The following CLIC5 variants were observed in gnomAD, a reference collection of about 807,000 sequenced individuals.
CLIC5 encodes the protein CLIC family member 5.
In CLIC5, 20 loss-of-function variants were observed where a neutral mutation model predicts 24.7. The observed-to-expected ratio is 0.81, with a 90% confidence interval of 0.57 to 1.18. CLIC5 has a LOEUF of 1.18. Among genes scored for constraint, CLIC5 ranks in the 50% most tolerant of loss-of-function variants. The pLI, the probability that CLIC5 is intolerant of heterozygous loss-of-function variation, is 0.00. For synonymous variants in CLIC5, 159 were observed against 135.6 expected, an observed-to-expected ratio of 1.17 and a Z score of -1.20; for missense variants, 341 against 326.1, an observed-to-expected ratio of 1.05 and a Z score of -0.35.
chr6:46,033,079 C>A (rs34535336), intron 1 of CLIC5, among the ~76,000 whole-genome samples: 1,919 of 150,786 alleles, frequency 0.013, 29 homozygotes, highest in Middle Eastern at 0.052. Flanking sequence ...AACTCCGCCT[C>A]CCGGGTTCAA....
downstream of CLIC5, among the ~76,000 whole-genome samples, chr6:45,896,860 A>G (rs1160415966): frequency 6.6e-6 from 1 of 152,128 alleles, no homozygotes; most frequent in African/African-American, 2.4e-5. Flanking sequence ...CACACAGTGG[A>G]AGCCTGGGAC....
intron 5 of CLIC5, among the ~76,000 whole-genome samples, chr6:45,905,950 C>T (rs1241156015): frequency 6.6e-6 from 1 of 152,140 alleles, no homozygotes; most frequent in Non-Finnish European, 1.5e-5. Flanking sequence ...TATTCCAAAA[C>T]CATTTATTGA....
chr6:45,972,675 GC>G (rs1221201279), intron 1 of CLIC5, among the ~76,000 whole-genome samples: 11 of 152,154 alleles, frequency 7.2e-5, no homozygotes. Flanking sequence ...ATCAGAACCT[GC>G]ATTTTCAGTA....
intron 6 of CLIC5, among the ~76,000 whole-genome samples, chr6:45,892,665 G>T (rs1174204903): frequency 6.6e-6 from 1 of 152,150 alleles, no homozygotes; most frequent in Non-Finnish European, 1.5e-5. Flanking sequence ...GTCAATTGTT[G>T]CCTTCAGTGC....
chr6:46,032,146 A>G (rs1029320228), intron 1 of CLIC5, among the ~76,000 whole-genome samples: 6 of 152,188 alleles, frequency 3.9e-5, no homozygotes, highest in Non-Finnish European at 8.8e-5. Flanking sequence ...AGAAGGCCTC[A>G]GGAAACTTAC....
chr6:45,904,863 T>C (rs1762613923), intron 5 of CLIC5, among the ~76,000 whole-genome samples: 1 of 151,522 alleles, frequency 6.6e-6, no homozygotes, highest in Non-Finnish European at 1.5e-5. Context: ...ATAGTTTTTC[T>C]ACACTTGCCC....
At chr6:46,084,566 G>GA (rs1474224150), upstream of CLIC5, among the ~76,000 whole-genome samples, 13 of 152,198 alleles carry the variant, frequency 8.5e-5, no homozygotes, top group Non-Finnish European at 1.6e-4. Flanking sequence ...ATTCTGGGTT[G>GA]AAAATTCTTT....
chr6:46,102,406 C>T, the CLIC5 span: 1 of 152,176 alleles, frequency 6.6e-6, no homozygotes, highest in Non-Finnish European at 1.5e-5. Flanking sequence ...TTATGACCTA[C>T]AGCCAAATAA....
At chr6:46,058,925 G>A (rs1451544590) in intron 1 of CLIC5, among the ~76,000 whole-genome samples, 2 of 152,210 alleles carry the variant, frequency 1.3e-5, no homozygotes, top group African/African-American at 4.8e-5. Flanking sequence ...TGGTTCTGCA[G>A]GTTGCATCTG....
Position 45,999,607 on chromosome 6 carries a change from G to A in CLIC5, c.63+15873C>T, listed in dbSNP as rs547523356. 5.3e-5 allele frequency among the ~76,000 whole-genome samples: 8 copies of A among 152,008 alleles called. No homozygotes were observed. In the East Asian group the frequency reaches 1.6e-3, roughly 30 times the overall value. ...CCTCTGTCACTCCCGAGAGAATAAGGCCAACCCCTCCTCTTCCTCCTCCTC... is the reference window on the plus strand; with the variant it reads ...CCTCTGTCACTCCCGAGAGAATAAGACCAACCCCTCCTCTTCCTCCTCCTC... On this transcript the variant is annotated intron_variant, in intron 1 of 5. Transcript: ENST00000339561.
exon 1 of CLIC5, chr6:46,080,088 T>C (rs1256155248): frequency 6.4e-7 from 1 of 1,551,726 alleles, no homozygotes; most frequent in Non-Finnish European, 8.7e-7. Context: ...CTCATGGGTA[T>C]TCAGCTGAGT....
At chr6:45,964,229 C>T (rs1447349434) in intron 1 of CLIC5, among the ~76,000 whole-genome samples, 1 of 152,178 alleles carries the variant, frequency 6.6e-6, no homozygotes, top group East Asian at 1.9e-4. Flanking sequence ...TCACAGAATA[C>T]TGTGGTACAG....
the CLIC5 span, among the ~76,000 whole-genome samples, chr6:46,091,054 G>A: frequency 5.9e-5 from 9 of 152,280 alleles, no homozygotes; most frequent in Middle Eastern, 3.4e-3. Flanking sequence ...ATGGCAGCGC[G>A]AAGTTGCTCT....
chr6:45,931,942 G>A (rs1763753255), intron 4 of CLIC5, among the ~76,000 whole-genome samples: 2 of 152,120 alleles, frequency 1.3e-5, no homozygotes, highest in Non-Finnish European at 2.9e-5. Context: ...TTATAGGTGT[G>A]TGCCACTGTG....
At chr6:45,882,488 G>A (rs1232487430) in intron 6 of CLIC5, among the ~76,000 whole-genome samples, 1 of 152,204 alleles carries the variant, frequency 6.6e-6, no homozygotes, top group Non-Finnish European at 1.5e-5. Context: ...GTGACTCCAA[G>A]CCTTTCCTCC....
chr6:46,037,258 T>A (rs1366485521), intron 1 of CLIC5, among the ~76,000 whole-genome samples: 1 of 152,206 alleles, frequency 6.6e-6, no homozygotes, highest in African/African-American at 2.4e-5. Context: ...AAATCAAAAT[T>A]ACAATCTTTT....
Position 45,924,094 on chromosome 6 carries a change from T to C in CLIC5, c.407-9685A>G, listed in dbSNP as rs144352691. ...ATGCTGATGTATGAGAAACAAAGCA[T>C]ACAAAAAAAGCAACAAAAAATTCTT... is the stretch of plus-strand genomic sequence containing the variant. On this transcript the variant is annotated intron_variant, in intron 4 of 5. Transcript: ENST00000339561. Among the ~76,000 whole-genome samples the C allele has an allele frequency of 1.8e-3, 268 of 152,232 alleles. 1 individual carries two copies. Among genetic ancestry groups the C allele is most frequent in the African/African-American group, 5.8e-3 (242 of 41,530 alleles).
At chr6:46,095,605 G>A in the CLIC5 span, among the ~76,000 whole-genome samples, 5 of 152,324 alleles carry the variant, frequency 3.3e-5, no homozygotes, top group East Asian at 7.7e-4. Flanking sequence ...TAACAAAAGC[G>A]ACATTTGTTT....
chr6:46,055,012 C>T (rs1768206506), intron 1 of CLIC5, among the ~76,000 whole-genome samples: 1 of 152,158 alleles, frequency 6.6e-6, no homozygotes, highest in African/African-American at 2.4e-5. Flanking sequence ...AGAGATGTTC[C>T]CTTTTCTGTA....
Sources: allele counts gnomAD v4.1 joint callset (sites outside exome capture counted in the v4.1 genomes callset), GRCh38; gene constraint gnomAD v4.1.1; transcripts MANE v1.5; gene names NCBI Gene and HGNC (gene_info 2026-07-23, HGNC 2026-07-21).